Variants in PHACTR1 observed in about 807,000 individuals in gnomAD.
PHACTR1 encodes the protein phosphatase and actin regulator 1, also known as RPEL repeat containing 1.
In PHACTR1, 16 loss-of-function variants were observed where a neutral mutation model predicts 69.2. The observed-to-expected ratio is 0.23, with a 90% CI of 0.16 to 0.35. PHACTR1 has a LOEUF of 0.35. Among genes scored for constraint, PHACTR1 ranks in the 10% least tolerant of loss-of-function variants. The pLI is 1.00. For synonymous variants in PHACTR1, 312 were observed against 284.5 expected, an observed-to-expected ratio of 1.10 and a Z score of -0.97; for missense variants, 510 against 734.7, an observed-to-expected ratio of 0.69 and a Z score of 3.54.
At chr6:13,177,225 C>T (rs1053660208) in intron 6 of PHACTR1, among the ~76,000 whole-genome samples, 2 of 144,200 alleles carry the variant, frequency 1.4e-5, no homozygotes, top group Admixed American at 1.4e-4. Flanking sequence ...TAGTGTGCAC[C>T]TGTAGTCCCA....
chr6:12,830,092 G>GGAAAGAAAGAAA lies in PHACTR1; in HGVS notation c.250+80357_250+80368dup, dbSNP rs201322567. ...AAGAAAGAAGGAAGGAAGGAAGGAG[G>GGAAAGAAAGAAA]GAAAGAAAGAAAGAAAGAAAGAAAG... is the stretch of plus-strand genomic sequence containing the variant. On this transcript the variant is annotated intron_variant, in intron 4 of 14. Transcript: ENST00000332995. 1.8e-3 allele frequency among the ~76,000 whole-genome samples: 194 copies of GGAAAGAAAGAAA among 109,144 alleles called. 1 individual carries two copies. Among genetic ancestry groups the GGAAAGAAAGAAA allele is most frequent in the African/African-American group, 3.5e-3 (82 of 23,146 alleles). The allele number at this position is 109,144 out of a possible 152,430, so 71.6% of individuals were successfully genotyped here.
chr6:12,907,322 C>G (rs1785853264), intron 4 of PHACTR1, among the ~76,000 whole-genome samples: 1 of 152,140 alleles, frequency 6.6e-6, no homozygotes, highest in African/African-American at 2.4e-5. Context: ...TTTTATTTCT[C>G]CAGAGAACCA....
chr6:12,984,121 C>T (rs1370165917), intron 4 of PHACTR1, among the ~76,000 whole-genome samples: 2 of 152,200 alleles, frequency 1.3e-5, no homozygotes, highest in African/African-American at 4.8e-5. Flanking sequence ...GGAATCACCA[C>T]ACTGTCTTTC....
At chr6:13,276,350 C>T (rs1778909552) in intron 11 of PHACTR1, among the ~76,000 whole-genome samples, 2 of 152,182 alleles carry the variant, frequency 1.3e-5, no homozygotes, top group Admixed American at 1.3e-4. Context: ...CCCTCAAGGG[C>T]CTGATTTCTG....
chr6:12,833,764 A>G (rs1191480877), intron 4 of PHACTR1, among the ~76,000 whole-genome samples: 1 of 152,092 alleles, frequency 6.6e-6, no homozygotes, highest in Non-Finnish European at 1.5e-5. Context: ...ACTTTTAACT[A>G]TAAATCCTCT....
intron 4 of PHACTR1, among the ~76,000 whole-genome samples, chr6:12,991,112 C>T (rs1311102388): frequency 6.6e-6 from 1 of 152,190 alleles, no homozygotes; most frequent in Non-Finnish European, 1.5e-5. Flanking sequence ...GCCAGGGAAC[C>T]ACCCTCTTCT....
At chr6:12,939,050 C>T (rs1013945622) in intron 4 of PHACTR1, among the ~76,000 whole-genome samples, 3 of 152,170 alleles carry the variant, frequency 2.0e-5, no homozygotes, top group Non-Finnish European at 4.4e-5. Flanking sequence ...AGCCCATACT[C>T]TTAATTATTA....
intron 4 of PHACTR1, among the ~76,000 whole-genome samples, chr6:12,889,931 G>T (rs1290349703): frequency 6.6e-6 from 1 of 151,644 alleles, no homozygotes; most frequent in Non-Finnish European, 1.5e-5. Context: ...CTACTACCTG[G>T]TCCAGGGCAC....
chr6:13,046,012 T>A (rs1201572909), intron 4 of PHACTR1, among the ~76,000 whole-genome samples: 5 of 152,172 alleles, frequency 3.3e-5, no homozygotes, highest in Non-Finnish European at 7.3e-5. Flanking sequence ...CACACACTAT[T>A]GATTCTTCCC....
At chr6:12,786,300 A>G (rs1771538083) in intron 4 of PHACTR1, among the ~76,000 whole-genome samples, 1 of 152,242 alleles carries the variant, frequency 6.6e-6, no homozygotes, top group South Asian at 2.1e-4. Context: ...ATGTGTGTGT[A>G]TACATCCAGC....
At position 12,729,132 on chromosome 6, in the gene PHACTR1, T is replaced by C. The variant is rs542682811; in HGVS notation, c.103+10285T>C. ...CCCCCACCCGCCCCATCACTTCTTT[T>C]CTCTGATGCCATTTCTTTCCGATTC... On this transcript the variant is annotated intron_variant, in intron 3 of 14. Coordinates refer to ENST00000332995, the MANE Select transcript of PHACTR1 (RefSeq NM_030948.6). Among the ~76,000 whole-genome samples the C allele has an allele frequency of 3.3e-5, 5 of 152,334 alleles. No homozygotes were observed. In the South Asian group the frequency reaches 8.3e-4, roughly 25 times the overall value.
At chr6:13,160,089 G>T (rs1312859604) in intron 5 of PHACTR1, 115 bp from the exon 6 acceptor site, 1 of 890,600 alleles carries the variant, frequency 1.1e-6, no homozygotes, top group Non-Finnish European at 1.9e-6. Flanking sequence ...AGCAAAGCAC[G>T]ATTTACAGAA....
At chr6:12,900,296 G>C (rs927584769) in intron 4 of PHACTR1, among the ~76,000 whole-genome samples, 1 of 147,828 alleles carries the variant, frequency 6.8e-6, no homozygotes, top group Non-Finnish European at 1.5e-5. Context: ...TTTTTTTTTC[G>C]AAGCGGATAC....
intron 6 of PHACTR1, among the ~76,000 whole-genome samples, chr6:13,168,513 A>G (rs1295869682): frequency 1.3e-5 from 2 of 152,206 alleles, no homozygotes; most frequent in Non-Finnish European, 2.9e-5. Flanking sequence ...GGCACCAGGA[A>G]TACTAGGAAG....
chr6:13,213,088 T>TTCAGTGAGTGAGTGAG (rs2127239416), intron 8 of PHACTR1, among the ~76,000 whole-genome samples: 1 of 151,884 alleles, frequency 6.6e-6, no homozygotes, highest in African/African-American at 2.4e-5. Context: ...GCTTATAGGT[T>TTCAGTGAGTGAGTGAG]TGAGTGAGTG....
intron 4 of PHACTR1, among the ~76,000 whole-genome samples, chr6:12,878,960 G>C (rs572070538): frequency 1.4e-4 from 21 of 152,170 alleles, no homozygotes; most frequent in Admixed American, 3.9e-4. Flanking sequence ...AATTTCACCT[G>C]TGCCTCTGCT....
At chr6:12,904,520 G>C (rs1291716879) in intron 4 of PHACTR1, among the ~76,000 whole-genome samples, 1 of 143,898 alleles carries the variant, frequency 6.9e-6, no homozygotes, top group Non-Finnish European at 1.5e-5. Context: ...GGCAGCAAGA[G>C]CAAAACTCCA....
chr6:12,799,343 A>C (rs1413479613), intron 4 of PHACTR1, among the ~76,000 whole-genome samples: 1 of 152,192 alleles, frequency 6.6e-6, no homozygotes, highest in African/African-American at 2.4e-5. Context: ...ATGCCACCAG[A>C]ATCAAGATGA....
intron 3 of PHACTR1, among the ~76,000 whole-genome samples, chr6:12,722,348 AATTT>A (rs1437629019): frequency 6.6e-6 from 1 of 152,218 alleles, no homozygotes; most frequent in Admixed American, 6.5e-5. Context: ...GCCTCATATC[AATTT>A]ATTTACAAAC....
Sources: allele counts gnomAD v4.1 joint callset (sites outside exome capture counted in the v4.1 genomes callset), GRCh38; gene constraint gnomAD v4.1.1; transcripts MANE v1.5; gene names NCBI Gene and HGNC (gene_info 2026-07-23, HGNC 2026-07-21).